UNC13B: variants seen among roughly 807,000 people sequenced by gnomAD.
UNC13B encodes unc-13 homolog B, also known as protein unc-13 homolog B.
In UNC13B, 144 loss-of-function variants were observed where a neutral mutation model predicts 211.0. The ratio of observed to expected loss-of-function variants is 0.68; its 90% CI spans 0.60 to 0.78. The LOEUF (loss-of-function observed/expected upper bound fraction) is 0.78. Among genes scored for constraint, UNC13B ranks in the 30% least tolerant of loss-of-function variants. The probability of loss-of-function intolerance (pLI) is 0.00; values close to 1 mark genes in which losing one functional copy is unlikely to be tolerated. For missense variants in UNC13B, 1,777 were observed against 2,002.0 expected (o/e 0.89, Z 2.14); for synonymous variants, 709 against 725.8 (o/e 0.98, Z 0.37).
Position 35,250,353 on chromosome 9 carries a change from A to G in UNC13B, c.468+6989A>G, listed in dbSNP as rs7854514. On this transcript the variant is annotated intron_variant, in intron 6 of 39. Transcript: ENST00000635942. Reference sequence around the variant, plus strand: ...TCTTCCCTATCCTCCTCAGCCCTATACAACCACTAATCAACCTTCTGTCTC... The same window carrying G: ...TCTTCCCTATCCTCCTCAGCCCTATGCAACCACTAATCAACCTTCTGTCTC... 8.5e-3 allele frequency among the ~76,000 whole-genome samples: 1,297 copies of G among 152,188 alleles called. 13 individuals are homozygous for G. Among genetic ancestry groups the G allele is most frequent in the African/African-American group, 0.029 (1,224 of 41,530 alleles).
At chr9:35,334,706 G>C (rs1349590865) in intron 11 of UNC13B, among the ~76,000 whole-genome samples, 1 of 152,194 alleles carries the variant, frequency 6.6e-6, no homozygotes, top group Non-Finnish European at 1.5e-5. Context: ...CTGATACTTA[G>C]TAAAAACTCA....
intron 7 of UNC13B, among the ~76,000 whole-genome samples, chr9:35,271,206 A>T (rs1327877477): frequency 1.3e-5 from 2 of 151,756 alleles, no homozygotes; most frequent in East Asian, 3.9e-4. Context: ...TGTTAAAATC[A>T]TTCTTACTAC....
At chr9:35,206,078 G>T (rs1277347686) in intron 1 of UNC13B, among the ~76,000 whole-genome samples, 1 of 152,174 alleles carries the variant, frequency 6.6e-6, no homozygotes, top group Non-Finnish European at 1.5e-5. Flanking sequence ...CAGCTACTTG[G>T]AGGCTGGGAG....
At chr9:35,175,848 C>T (rs970673099) in intron 1 of UNC13B, among the ~76,000 whole-genome samples, 4 of 107,590 alleles carry the variant, frequency 3.7e-5, no homozygotes, top group African/African-American at 7.2e-5. Context: ...GAAACCCCGT[C>T]TCTACTAAAA....
chr9:35,313,145 G>A (rs188860162), intron 10 of UNC13B, among the ~76,000 whole-genome samples: 4 of 152,218 alleles, frequency 2.6e-5, no homozygotes, highest in East Asian at 3.9e-4. Flanking sequence ...CAGGGCTCTC[G>A]CCATTGCCTC....
chr9:35,390,095 G>C (rs1320487456), intron 25 of UNC13B, 122 bp downstream of exon 25: 1 of 1,494,434 alleles, frequency 6.7e-7, no homozygotes, highest in East Asian at 2.3e-5. Context: ...CCATCCATCT[G>C]TCCCTCTGTC....
At position 35,400,274 on chromosome 9, in the gene UNC13B, CGG is replaced by C. The variant is rs768223327; in HGVS notation, c.12337-20_12337-19del. 52 of 1,611,528 alleles carry C rather than the reference CGG, an allele frequency of 3.2e-5. No homozygotes were observed. Among genetic ancestry groups the C allele is most frequent in the Non-Finnish European group, 4.4e-5 (52 of 1,178,654 alleles). ...TTTCTGTAAGGGGATGAAGCAGTCACGGGTGCTCTTTTATCTTGCAGCAATAC... is the reference window on the plus strand; with the variant it reads ...TTTCTGTAAGGGGATGAAGCAGTCACGTGCTCTTTTATCTTGCAGCAATAC... On this transcript the variant is annotated intron_variant, in intron 36 of 39. Transcript: ENST00000635942.
At chr9:35,316,782 T>A (rs1265897460) in intron 11 of UNC13B, among the ~76,000 whole-genome samples, 1 of 152,196 alleles carries the variant, frequency 6.6e-6, no homozygotes. Flanking sequence ...CTTCTTTCAT[T>A]AGATTTGATA....
At chr9:35,356,238 GT>G (rs1390683501) in intron 11 of UNC13B, among the ~76,000 whole-genome samples, 5 of 152,144 alleles carry the variant, frequency 3.3e-5, no homozygotes, top group African/African-American at 1.2e-4. Flanking sequence ...CCCTAACCTA[GT>G]AAACTGATTC....
chr9:35,183,172 C>T (rs533955018), intron 1 of UNC13B, among the ~76,000 whole-genome samples: 206 of 143,142 alleles, frequency 1.4e-3, no homozygotes, highest in Middle Eastern at 3.9e-3. Context: ...ATGGGGCGGC[C>T]GGGCAGAGGT....
chr9:35,323,267 A>G (rs1444342575), intron 11 of UNC13B, among the ~76,000 whole-genome samples: 1 of 152,110 alleles, frequency 6.6e-6, no homozygotes. Flanking sequence ...CTCTATTAAC[A>G]GCTGCATAGT....
Position 35,351,521 on chromosome 9 carries a change from G to A in UNC13B, c.9415-15426G>A, listed in dbSNP as rs962029718. ...GCAGAGAACCCCTCAAACCCTGAGG[G>A]AGAAAATGAAGCGATTGTTGCAAGA... On this transcript the variant is annotated intron_variant, in intron 11 of 39. Transcript: ENST00000635942. 4 of 1,232,240 alleles carry A rather than the reference G, an allele frequency of 3.2e-6. No homozygotes were observed. In the African/African-American group the frequency reaches 6.2e-5, roughly 19 times the overall value. The allele number at this position is 1,232,240 out of a possible 1,614,324, so 76.3% of individuals were successfully genotyped here. A position where few individuals can be genotyped will look rare whatever the true frequency, so the allele number is the denominator to read the frequency against.
At chr9:35,371,887 G>A (rs1277727039) in intron 13 of UNC13B, 2 of 152,522 alleles carry the variant, frequency 1.3e-5, no homozygotes, top group African/African-American at 2.4e-5. Context: ...ATGCCCTTTC[G>A]AGCCTTTAAC....
intron 1 of UNC13B, among the ~76,000 whole-genome samples, chr9:35,182,226 G>A (rs1821975475): frequency 6.6e-6 from 1 of 151,960 alleles, no homozygotes; most frequent in Non-Finnish European, 1.5e-5. Context: ...CTTGAAAGTT[G>A]ACTCCTCTAT....
intron 1 of UNC13B, among the ~76,000 whole-genome samples, chr9:35,170,432 T>C (rs1821272653): frequency 6.6e-6 from 1 of 151,804 alleles, no homozygotes; most frequent in East Asian, 1.9e-4. Flanking sequence ...TCCCAAAGTG[T>C]TGGGATTACA....
chr9:35,293,441 G>A (rs1204420221), intron 7 of UNC13B, among the ~76,000 whole-genome samples: 1 of 152,200 alleles, frequency 6.6e-6, no homozygotes, highest in East Asian at 1.9e-4. Context: ...CCTCCTTGGA[G>A]ACTGAATCTT....
At chr9:35,222,756 T>C (rs1463318590) in intron 1 of UNC13B, among the ~76,000 whole-genome samples, 2 of 152,246 alleles carry the variant, frequency 1.3e-5, no homozygotes, top group Admixed American at 6.5e-5. Context: ...ATGCAAATTA[T>C]TGATAACTAT....
chr9:35,253,266 C>T (rs79249186), intron 6 of UNC13B, among the ~76,000 whole-genome samples: 3,047 of 152,182 alleles, frequency 0.02, 100 homozygotes, highest in African/African-American at 0.071. Flanking sequence ...TTCAGCTTCC[C>T]AAGTAGCAGA....
rs527834406 is a variant in UNC13B, at chr9:35,211,066, G to A, written c.23-16949G>A. Among the ~76,000 whole-genome samples, 6 of 152,256 alleles carry A rather than the reference G, an allele frequency of 3.9e-5. No homozygotes were observed. In the East Asian group the frequency reaches 5.8e-4, roughly 15 times the overall value. On this transcript the variant is annotated intron_variant, in intron 1 of 39. Coordinates refer to ENST00000635942, the MANE Select transcript of UNC13B (RefSeq NM_001371189.2). The stretch of plus-strand genomic sequence containing the variant: ...TTAAAATTGTTTTTGGCAGTTTTGT[G>A]TGGCAAATATAAAAGTCATTTTAAG...
Sources: gnomAD v4.1 joint callset for allele counts (sites outside exome capture counted in the v4.1 genomes callset) on GRCh38, gnomAD v4.1.1 for gene constraint, MANE v1.5 for transcripts, NCBI Gene and HGNC (gene_info 2026-07-23, HGNC 2026-07-21) for gene names.